Variants in MCFD2 observed in about 807,000 individuals in gnomAD.
The protein encoded by MCFD2 is multiple coagulation factor deficiency protein 2.
Under a neutral mutation model 12.8 loss-of-function variants are expected in MCFD2, and 11 were observed. The observed-to-expected ratio is 0.86, with a 90% confidence interval of 0.54 to 1.42. MCFD2 has a LOEUF of 1.42. Ranked by LOEUF, MCFD2 falls within the 40% of genes most tolerant of loss-of-function variation. The pLI, the probability that MCFD2 is intolerant of heterozygous loss-of-function variation, is 0.00. For missense variants in MCFD2, 191 were observed against 178.6 expected (o/e 1.07, Z -0.40); for synonymous variants, 70 against 68.1 (o/e 1.03, Z -0.14).
chr2:46,915,673 G>T, intron 1 of MCFD2, 50 bp downstream of exon 1: 2 of 737,060 alleles, frequency 2.7e-6, no homozygotes, highest in Non-Finnish European at 3.3e-6. Flanking sequence ...CAGCCCACAG[G>T]AGAGGCGCCG....
At chr2:46,916,119 G>A, upstream of MCFD2, 1 of 985,610 alleles carries the variant, frequency 1.0e-6, no homozygotes, top group Non-Finnish European at 1.2e-6. Context: ...ATCCGGATGG[G>A]GCGGACCCCA....
chr2:46,916,045 G>T (rs1183479898), upstream of MCFD2: 4 of 985,338 alleles, frequency 4.1e-6, no homozygotes, highest in Non-Finnish European at 4.8e-6. Flanking sequence ...TAGGGGCCCG[G>T]CAGTTGCTAG....
chr2:46,915,556 C>A (rs965441848), intron 1 of MCFD2, among the ~76,000 whole-genome samples, 167 bp downstream of exon 1: 3 of 152,162 alleles, frequency 2.0e-5, no homozygotes, highest in African/African-American at 7.2e-5. Context: ...AGGCTTCCGC[C>A]CCGGGAGACA....
chr2:46,941,720 A>C lies in MCFD2; in HGVS notation c.-156T>G. On this transcript the variant is annotated 5_prime_UTR_variant, in exon 1 of 3. Coordinates refer to the MCFD2 transcript ENST00000409147. The surrounding 1 kb of genome is among the most constrained non-coding windows in gnomAD (Gnocchi z 4.2). ...CCGAGCGCAGCGTTCACCTTTCCGG[A>C]CACCGGTGAGTAAGGGAAGAGGCTG... The C allele has an allele frequency of 6.5e-7, 1 of 1,549,988 alleles. No homozygotes were observed. Among genetic ancestry groups the C allele is most frequent in the South Asian group, 1.2e-5 (1 of 84,036 alleles).
chr2:46,916,972 C>T (rs1327884824), upstream of MCFD2, among the ~76,000 whole-genome samples: 2 of 150,768 alleles, frequency 1.3e-5, no homozygotes, highest in East Asian at 2.0e-4. Flanking sequence ...CCATTTCTGT[C>T]CATAAAGGTA....
chr2:46,906,690 G>A (rs1379566893), intron 3 of MCFD2, among the ~76,000 whole-genome samples: 1 of 151,702 alleles, frequency 6.6e-6, no homozygotes, highest in Non-Finnish European at 1.5e-5. Flanking sequence ...ATATCACCAT[G>A]CTGCCCAGGT....
chr2:46,934,241 G>T (rs1669851755), intron 1 of MCFD2, among the ~76,000 whole-genome samples: 1 of 152,186 alleles, frequency 6.6e-6, no homozygotes, highest in African/African-American at 2.4e-5. Flanking sequence ...GTTTTCAGAA[G>T]AAACCATTTA....
chr2:46,907,295 C>A lies in MCFD2; in HGVS notation c.309+515G>T. ...AAATGCCCAGCCCTGGGACTTCTGC[C>A]TCAGCAAGTTATCCTTTGCGGGAAG... On this transcript the variant is annotated intron_variant, in intron 3 of 3. Coordinates refer to ENST00000319466, the MANE Select transcript of MCFD2 (RefSeq NM_139279.6). The surrounding 1 kb of genome is among the most constrained non-coding windows in gnomAD (Gnocchi z 4.1). 1 of 177,454 alleles carries A rather than the reference C, an allele frequency of 5.6e-6. No individual in the cohort carries two copies. The highest frequency in any genetic ancestry group is 1.2e-5 in the Non-Finnish European group (1 of 82,958). The allele number at this position is 177,454 out of a possible 1,614,324, so 11.0% of individuals were successfully genotyped here. A position where few individuals can be genotyped will look rare whatever the true frequency, so the allele number is the denominator to read the frequency against.
chr2:46,906,143 G>C (rs1032359825), intron 3 of MCFD2, among the ~76,000 whole-genome samples: 2 of 152,146 alleles, frequency 1.3e-5, no homozygotes, highest in African/African-American at 4.8e-5. Context: ...CACATCCTTG[G>C]CTGGTTCTTC....
Position 46,908,131 on chromosome 2 carries a change from G to A in MCFD2, c.150-162C>T. 1 of 748,514 alleles carries A rather than the reference G, an allele frequency of 1.3e-6. No homozygotes were observed. The highest frequency in any genetic ancestry group is 2.3e-6 in the Non-Finnish European group (1 of 435,806). The allele number at this position is 748,514 out of a possible 1,614,324, so 46.4% of individuals were successfully genotyped here. Reference sequence around the variant, plus strand: ...CAAGGATTACACAGAGATAGACAAGGCCTTGAGAGGAGCAGGAAAAGTCAA... The same window carrying A: ...CAAGGATTACACAGAGATAGACAAGACCTTGAGAGGAGCAGGAAAAGTCAA... On this transcript the variant is annotated intron_variant, in intron 2 of 3. Transcript: ENST00000319466. This position sits in a 1 kb window ranked among gnomAD's most constrained non-coding sequence, Gnocchi z 4.5.
chr2:46,935,034 C>T (rs1001586998), intron 1 of MCFD2, among the ~76,000 whole-genome samples: 4 of 151,762 alleles, frequency 2.6e-5, no homozygotes, highest in African/African-American at 7.2e-5. Flanking sequence ...ATCTTGACCT[C>T]GTGATCCACC....
Position 46,937,683 on chromosome 2 carries a change from C to T in MCFD2, c.-8+3889G>A, listed in dbSNP as rs886497209. Among the ~76,000 whole-genome samples the T allele has an allele frequency of 6.6e-6, 1 of 152,150 alleles. No individual in the cohort carries two copies. The highest frequency in any genetic ancestry group is 2.4e-5 in the African/African-American group (1 of 41,424). On this transcript the variant is annotated intron_variant, in intron 1 of 2. Coordinates refer to the MCFD2 transcript ENST00000409147. The surrounding 1 kb of genome is among the most constrained non-coding windows in gnomAD (Gnocchi z 4.0). ...GAATTCCTGGACTCAAGTGATTCTC[C>T]CACCTCCTTCTCCCAAAGTGTTAGG...
intron 1 of MCFD2, among the ~76,000 whole-genome samples, chr2:46,930,916 A>T (rs1471933234): frequency 6.6e-6 from 1 of 152,220 alleles, no homozygotes; most frequent in East Asian, 1.9e-4. Context: ...AAAAATATAT[A>T]TACCCTCTGA....
At position 46,903,961 on chromosome 2, in the gene MCFD2, C is replaced by T. The variant is rs1668112929; in HGVS notation, c.*1502G>A. 1 of 152,086 alleles carries T rather than the reference C, an allele frequency of 6.6e-6. No individual in the cohort carries two copies. Among genetic ancestry groups the T allele is most frequent in the African/African-American group, 2.4e-5 (1 of 41,410 alleles). 9.4% of individuals were successfully genotyped at this position (152,086 alleles called of 1,614,324 possible). A position where few individuals can be genotyped will look rare whatever the true frequency, so the allele number is the denominator to read the frequency against. On this transcript the variant is annotated 3_prime_UTR_variant, in exon 4 of 4. Transcript: ENST00000319466. ...ATGTCTCCAGGCCATGTCAGGGCAG[C>T]CCCTGACATGTGTGTGCAGCCTAGG...
intron 1 of MCFD2, among the ~76,000 whole-genome samples, chr2:46,932,131 G>C (rs1476553815): frequency 6.6e-6 from 1 of 151,552 alleles, no homozygotes; most frequent in Non-Finnish European, 1.5e-5. Context: ...ATATCAGAAA[G>C]CAATGTAGGG....
upstream of MCFD2, among the ~76,000 whole-genome samples, chr2:46,918,227 T>C (rs895536635): frequency 6.6e-6 from 1 of 152,206 alleles, no homozygotes; most frequent in Non-Finnish European, 1.5e-5. Flanking sequence ...ATGTCACTGG[T>C]ACTCATTCTG....
rs1211410218 is a variant in MCFD2 at position 46,904,919 on chromosome 2, C to CT, written c.*543dup. ...CCCAAATCTCAACTTGAAATTGTAT[C>CT]TACCAGAATTCCCACGTGTTGTGGG... On this transcript the variant is annotated 3_prime_UTR_variant, in exon 4 of 4. Coordinates refer to ENST00000319466, the MANE Select transcript of MCFD2 (RefSeq NM_139279.6). 13 of 196,202 alleles carry CT rather than the reference C, an allele frequency of 6.6e-5. No homozygotes were observed. In the East Asian group the frequency reaches 1.4e-3, roughly 21 times the overall value. The allele number at this position is 196,202 out of a possible 1,614,324, so 12.2% of individuals were successfully genotyped here.
chr2:46,915,825 C>A (rs1281793547), upstream of MCFD2: 5 of 396,246 alleles, frequency 1.3e-5, no homozygotes, highest in East Asian at 2.8e-4. Flanking sequence ...CCCCCCCCCC[C>A]CCGACCTGCC....
At chr2:46,929,940 C>T (rs946318163) in intron 1 of MCFD2, among the ~76,000 whole-genome samples, 37 of 152,156 alleles carry the variant, frequency 2.4e-4, no homozygotes, top group Admixed American at 1.1e-3. Context: ...ATGTTTTAGA[C>T]AGTGGCTGCT....
Sources: allele counts gnomAD v4.1 joint callset (sites outside exome capture counted in the v4.1 genomes callset), GRCh38; gene constraint gnomAD v4.1.1; non-coding constraint Gnocchi (gnomAD v3.1); transcripts MANE v1.5; gene names NCBI Gene and HGNC (gene_info 2026-07-23, HGNC 2026-07-21).